Variants in VIRMA observed in about 807,000 individuals in gnomAD.
VIRMA encodes vir like m6A methyltransferase associated, also known as protein virilizer homolog.
In VIRMA, 65 loss-of-function variants were observed where a neutral mutation model predicts 182.4. That is an observed-to-expected ratio of 0.36 (90% CI 0.29 to 0.44). The LOEUF is 0.44. VIRMA is among the 20% of genes least tolerant of loss of function. The pLI, the probability that VIRMA is intolerant of heterozygous loss-of-function variation, is 1.00. For missense variants in VIRMA, 1,752 were observed against 2,158.1 expected, an observed-to-expected ratio of 0.81 and a Z score of 3.73; for synonymous variants, 709 against 743.1, an observed-to-expected ratio of 0.95 and a Z score of 0.75.
Position 94,538,877 on chromosome 8 carries a change from G to A in VIRMA, c.180-531C>T, listed in dbSNP as rs943593972. On this transcript the variant is annotated intron_variant, in intron 2 of 23. Coordinates refer to ENST00000297591, the MANE Select transcript of VIRMA (RefSeq NM_015496.5). ...GATTCACCCGTCTCAGCCTCCCAAAGTGCTGGGTGTGAACCACTGCGCCTG... is the reference window on the plus strand; with the variant it reads ...GATTCACCCGTCTCAGCCTCCCAAAATGCTGGGTGTGAACCACTGCGCCTG... Among the ~76,000 whole-genome samples, 3 of 152,038 alleles carry A rather than the reference G, an allele frequency of 2.0e-5. No homozygotes were observed. In the East Asian group the frequency reaches 5.8e-4, roughly 29 times the overall value.
chr8:94,516,786 G>A (rs1029418331), intron 10 of VIRMA, among the ~76,000 whole-genome samples: 1 of 152,156 alleles, frequency 6.6e-6, no homozygotes, highest in African/African-American at 2.4e-5. Context: ...TCTATTCCCA[G>A]AATGGGAAGT....
At chr8:94,506,420 T>C in intron 16 of VIRMA, 80 bp downstream of exon 16, 2 of 851,362 alleles carry the variant, frequency 2.3e-6, no homozygotes, top group African/African-American at 1.7e-5. Context: ...ACAATAGGTA[T>C]GAATTAATGT....
intron 8 of VIRMA, 34 bp downstream of exon 8, chr8:94,526,189 G>T: frequency 6.7e-7 from 1 of 1,499,088 alleles, no homozygotes; most frequent in East Asian, 2.3e-5. Context: ...AATGATTTGT[G>T]AAATTTATTT....
Position 94,553,463 on chromosome 8 carries a change from G to A in VIRMA, c.-16C>T. The A allele has an allele frequency of 6.2e-7, 1 of 1,613,498 alleles. No individual in the cohort carries two copies. The highest frequency in any genetic ancestry group is 8.5e-7 in the Non-Finnish European group (1 of 1,179,474). On this transcript the variant is annotated 5_prime_UTR_variant, in exon 1 of 24. Coordinates refer to ENST00000297591, the MANE Select transcript of VIRMA (RefSeq NM_015496.5). Reference sequence around the variant, plus strand: ...CCACCGCCATGTTTGCCGCGGGCGGGGAACAGGGGGGAGGACTTCCGGGGC... The same window carrying A: ...CCACCGCCATGTTTGCCGCGGGCGGAGAACAGGGGGGAGGACTTCCGGGGC...
chr8:94,517,126 C>G (rs150096665), intron 10 of VIRMA, among the ~76,000 whole-genome samples: 6 of 152,316 alleles, frequency 3.9e-5, no homozygotes, highest in African/African-American at 1.4e-4. Context: ...AACTAGATTT[C>G]TAAGTTGTAG....
At chr8:94,520,824 A>G (rs1814735363) in intron 8 of VIRMA, among the ~76,000 whole-genome samples, 1 of 152,170 alleles carries the variant, frequency 6.6e-6, no homozygotes, top group African/African-American at 2.4e-5. Context: ...TTACTACAGT[A>G]GACTGAATTA....
At chr8:94,513,425 C>CA (rs34173786) in intron 11 of VIRMA, among the ~76,000 whole-genome samples, 8,297 of 114,922 alleles carry the variant, frequency 0.072, 402 homozygotes, top group Admixed American at 0.15. Flanking sequence ...GAGTCTAGAC[C>CA]AAAAAAAAAA....
intron 20 of VIRMA, among the ~76,000 whole-genome samples, chr8:94,494,456 G>A (rs915373367): frequency 4.6e-5 from 7 of 151,732 alleles, no homozygotes; most frequent in African/African-American, 1.2e-4. Context: ...GCCAGGCGTG[G>A]TGGCACAGGC....
chr8:94,511,899 T>C (rs1814392597), intron 12 of VIRMA, 97 bp downstream of exon 12: 4 of 389,160 alleles, frequency 1.0e-5, no homozygotes, highest in Non-Finnish European at 1.4e-5. Flanking sequence ...TTTTCATTAT[T>C]AAATAAATGA....
In VIRMA at chr8:94,495,787, C is replaced by T; in HGVS notation, c.4488G>A (p.Gln1496=). 6.2e-7 allele frequency: 1 copy of T among 1,613,936 alleles called. No individual in the cohort carries two copies. The highest frequency in any genetic ancestry group is 1.3e-5 in the African/African-American group (1 of 75,024). The change falls in exon 19 of 24, where the codon CAG becomes CAA. Residue 1496 remains glutamine, a synonymous_variant. Transcript: ENST00000297591. ...SSGDPLPLSD[Q]DVEPVLSAPE... Reference sequence around the variant, plus strand: ...GAGCTGAAAGTACTGGTTCTACATCCTGGTCACTGAGAGGTAAAGGGTCAC... The same window carrying T: ...GAGCTGAAAGTACTGGTTCTACATCTTGGTCACTGAGAGGTAAAGGGTCAC...
intron 8 of VIRMA, among the ~76,000 whole-genome samples, chr8:94,522,193 T>C (rs1814796319): frequency 6.6e-6 from 1 of 152,122 alleles, no homozygotes; most frequent in Non-Finnish European, 1.5e-5. Flanking sequence ...TATCAAAACA[T>C]GTCACTGTTG....
chr8:94,503,693 T>C (rs986715021), intron 16 of VIRMA, among the ~76,000 whole-genome samples: 2 of 152,320 alleles, frequency 1.3e-5, no homozygotes, highest in Non-Finnish European at 2.9e-5. Flanking sequence ...TATACAGTTA[T>C]GTAAGAGGAT....
intron 15 of VIRMA, among the ~76,000 whole-genome samples, chr8:94,507,323 C>T (rs1055889616): frequency 7.3e-5 from 11 of 151,560 alleles, no homozygotes; most frequent in East Asian, 3.9e-4. Context: ...TTAGTATAGA[C>T]GGGGTTTCTC....
At chr8:94,490,314 G>A (rs1813567681) in intron 22 of VIRMA, 1 of 480,074 alleles carries the variant, frequency 2.1e-6, no homozygotes, top group Non-Finnish European at 3.6e-6. Flanking sequence ...CTGGTCAGCT[G>A]ACTGACAATT....
chr8:94,488,553 G>T lies in VIRMA; in HGVS notation c.*153C>A. The T allele has an allele frequency of 1.6e-6, 1 of 622,472 alleles. No individual in the cohort carries two copies. Among genetic ancestry groups the T allele is most frequent in the Non-Finnish European group, 2.6e-6 (1 of 382,646 alleles). 38.6% of individuals were successfully genotyped at this position (622,472 alleles called of 1,614,324 possible). On this transcript the variant is annotated 3_prime_UTR_variant, in exon 24 of 24. Coordinates refer to ENST00000297591, the MANE Select transcript of VIRMA (RefSeq NM_015496.5). ...AAGTTTGGATTTTTATTGAAATCTT[G>T]TTAGGTATCAAACAAATTCTGCTTT...
intron 3 of VIRMA, among the ~76,000 whole-genome samples, chr8:94,538,023 C>G (rs1048985793): frequency 6.6e-6 from 1 of 152,178 alleles, no homozygotes; most frequent in Non-Finnish European, 1.5e-5. Flanking sequence ...ATAAGAAACA[C>G]ATGCACGAGT....
rs758763844 is a variant in VIRMA, at chr8:94,519,297, G to A, written c.2201C>T (p.Ala734Val). Residue 734 changes from alanine to valine, a missense_variant, in exon 9 of 24, where the codon GCT (alanine) becomes GTT (valine). By Grantham distance (64) the Ala-to-Val change is moderately conservative (BLOSUM62 0). Around this residue, in one of 11 missense-constraint regions of VIRMA, gnomAD observed 45 missense variants for 91.0 expected, o/e 0.49. Coordinates refer to ENST00000297591, the MANE Select transcript of VIRMA (RefSeq NM_015496.5). ...ATCTTGATCATAAAAGTGACACAGA[G>A]CTCGGATCAATAAATTTGTTGCTTC... Reference protein sequence around the residue: ...EYEATNLLIRALCHFYDQDEE... With the variant: ...EYEATNLLIRVLCHFYDQDEE... 28 of 1,613,376 alleles carry A rather than the reference G, an allele frequency of 1.7e-5. No homozygotes were observed. Among genetic ancestry groups the A allele is most frequent in the Non-Finnish European group, 2.3e-5 (27 of 1,179,870 alleles).
rs1002397618 is a variant in VIRMA, at chr8:94,510,957, T to C, written c.3390+228A>G. The C allele has an allele frequency of 3.7e-6, 5 of 1,334,698 alleles. No homozygotes were observed. In the South Asian group the frequency reaches 5.1e-5, roughly 14 times the overall value. 82.7% of individuals were successfully genotyped at this position (1,334,698 alleles called of 1,614,324 possible). On this transcript the variant is annotated intron_variant, in intron 13 of 23. Coordinates refer to ENST00000297591, the MANE Select transcript of VIRMA (RefSeq NM_015496.5). ...TAACAGAAAAATGTAAGTACAAACATACATAACAGCAAAATAAAACTCACT... is the reference window on the plus strand; with the variant it reads ...TAACAGAAAAATGTAAGTACAAACACACATAACAGCAAAATAAAACTCACT...
At chr8:94,502,407 TA>T (rs1369923377) in intron 16 of VIRMA, among the ~76,000 whole-genome samples, 1 of 151,420 alleles carries the variant, frequency 6.6e-6, no homozygotes, top group African/African-American at 2.4e-5. Context: ...AACATATATA[TA>T]AATTAATAAA....
Sources: allele counts gnomAD v4.1 joint callset (sites outside exome capture counted in the v4.1 genomes callset), GRCh38; gene constraint gnomAD v4.1.1; regional missense constraint gnomAD v4.1.1; transcripts MANE v1.5; gene names NCBI Gene and HGNC (gene_info 2026-07-23, HGNC 2026-07-21).